FGGY: variants seen among roughly 807,000 people sequenced by gnomAD.
The protein encoded by FGGY is FGGY carbohydrate kinase domain-containing protein.
Under a neutral mutation model 71.3 loss-of-function variants are expected in FGGY, and 72 were observed. The ratio of observed to expected loss-of-function variants is 1.01; its 90% CI spans 0.84 to 1.23. FGGY has a LOEUF of 1.23. FGGY is among the 50% of genes most tolerant of loss of function. The pLI, the probability that FGGY is intolerant of heterozygous loss-of-function variation, is 0.00. For synonymous variants in FGGY, 251 were observed against 250.3 expected, an observed-to-expected ratio of 1.00 and a Z score of -0.02; for missense variants, 668 against 682.3, an observed-to-expected ratio of 0.98 and a Z score of 0.23.
chr1:59,591,188 A>C (rs2096428606), intron 8 of FGGY, among the ~76,000 whole-genome samples: 1 of 152,212 alleles, frequency 6.6e-6, no homozygotes, highest in South Asian at 2.1e-4. Flanking sequence ...TCCCATTTAC[A>C]ATTGCTTCAA....
intron 9 of FGGY, among the ~76,000 whole-genome samples, chr1:59,616,170 T>TA (rs1472974646): frequency 6.6e-6 from 1 of 152,198 alleles, no homozygotes; most frequent in Non-Finnish European, 1.5e-5. Context: ...CATGCTGCTA[T>TA]TAGACACATG....
intron 6 of FGGY, among the ~76,000 whole-genome samples, chr1:59,459,922 G>A (rs560901055): frequency 1.3e-5 from 2 of 152,310 alleles, no homozygotes; most frequent in African/African-American, 2.4e-5. Context: ...CATATAAAGG[G>A]ATTCAGTGTA....
intron 7 of FGGY, among the ~76,000 whole-genome samples, chr1:59,550,682 A>C (rs920536826): frequency 2.0e-5 from 3 of 152,170 alleles, no homozygotes; most frequent in African/African-American, 7.2e-5. Flanking sequence ...TTGTGGCAGA[A>C]TTGGGGCTGA....
intron 14 of FGGY, among the ~76,000 whole-genome samples, chr1:59,739,361 G>A (rs913775655): frequency 6.6e-6 from 1 of 152,126 alleles, no homozygotes; most frequent in African/African-American, 2.4e-5. Flanking sequence ...TCCTGCCCAG[G>A]CTACCAAACA....
chr1:59,600,253 A>T (rs764682000), intron 8 of FGGY, among the ~76,000 whole-genome samples: 2 of 152,224 alleles, frequency 1.3e-5, no homozygotes, highest in Non-Finnish European at 2.9e-5. Context: ...GGGGCAGATG[A>T]GAGCGATGAA....
chr1:59,689,650 A>G (rs1279054376), intron 14 of FGGY, among the ~76,000 whole-genome samples: 3 of 152,242 alleles, frequency 2.0e-5, no homozygotes, highest in Non-Finnish European at 4.4e-5. Context: ...GAGTAATAAT[A>G]AAAGTTTATT....
At chr1:59,641,092 C>G (rs546461020) in intron 11 of FGGY, among the ~76,000 whole-genome samples, 1 of 151,018 alleles carries the variant, frequency 6.6e-6, no homozygotes, top group East Asian at 1.9e-4. Flanking sequence ...AACATTGACA[C>G]TGAGTGAAGC....
intron 4 of FGGY, among the ~76,000 whole-genome samples, chr1:59,355,440 T>C (rs2054128614): frequency 6.6e-6 from 1 of 152,252 alleles, no homozygotes; most frequent in African/African-American, 2.4e-5. Context: ...AAGAGTTTGC[T>C]ACTGTTTTAG....
intron 5 of FGGY, among the ~76,000 whole-genome samples, chr1:59,405,958 C>T (rs565802276): frequency 2.0e-5 from 3 of 151,022 alleles, no homozygotes; most frequent in African/African-American, 7.3e-5. Flanking sequence ...TTAGAGTCCT[C>T]TTCCCCACTT....
At chr1:59,471,090 A>G (rs1234825977) in intron 6 of FGGY, among the ~76,000 whole-genome samples, 2 of 152,012 alleles carry the variant, frequency 1.3e-5, no homozygotes, top group South Asian at 2.1e-4. Flanking sequence ...CCCCACCCAA[A>G]TCTCATCTCA....
intron 11 of FGGY, chr1:59,641,424 C>A: frequency 1.6e-6 from 2 of 1,271,194 alleles, no homozygotes; most frequent in Non-Finnish European, 2.3e-6. Flanking sequence ...TATGTGCAGG[C>A]CTGTGCTAAA....
intron 12 of FGGY, among the ~76,000 whole-genome samples, chr1:59,663,378 G>T (rs369101799): frequency 6.6e-6 from 1 of 152,106 alleles, no homozygotes; most frequent in Non-Finnish European, 1.5e-5. Flanking sequence ...CCTAAGAATC[G>T]TTTTTACTTA....
intron 5 of FGGY, among the ~76,000 whole-genome samples, chr1:59,426,366 T>G (rs1226669682): frequency 1.3e-5 from 2 of 150,736 alleles, no homozygotes; most frequent in Non-Finnish European, 3.0e-5. Flanking sequence ...GTATCCAGGG[T>G]GGGAAGGGGA....
intron 5 of FGGY, among the ~76,000 whole-genome samples, chr1:59,397,456 T>G (rs2061459929): frequency 6.6e-6 from 1 of 152,228 alleles, no homozygotes; most frequent in Admixed American, 6.5e-5. Context: ...CACAACAAGT[T>G]TGGCTAGATT....
chr1:59,711,150 A>G (rs1199058035), intron 14 of FGGY, among the ~76,000 whole-genome samples: 1 of 152,202 alleles, frequency 6.6e-6, no homozygotes, highest in Non-Finnish European at 1.5e-5. Context: ...AGAGACATGG[A>G]TGAAACTGAA....
At chr1:59,484,730 T>C (rs894817494) in intron 6 of FGGY, among the ~76,000 whole-genome samples, 65 of 152,292 alleles carry the variant, frequency 4.3e-4, no homozygotes, top group African/African-American at 1.4e-3. Context: ...AAATTCACCA[T>C]GATAAGTGAT....
chr1:59,355,323 G>C (rs1206909310), intron 4 of FGGY, among the ~76,000 whole-genome samples: 1 of 151,960 alleles, frequency 6.6e-6, no homozygotes, highest in Non-Finnish European at 1.5e-5. Flanking sequence ...GAAGACTAAT[G>C]AACAGTCTTA....
intron 7 of FGGY, among the ~76,000 whole-genome samples, chr1:59,540,533 C>A (rs1015540752): frequency 6.6e-6 from 1 of 152,072 alleles, no homozygotes; most frequent in East Asian, 1.9e-4. Flanking sequence ...GACATCTGGA[C>A]AGTGGTTATC....
chr1:59,683,285 A>G (rs996811276), intron 14 of FGGY, among the ~76,000 whole-genome samples: 1 of 152,174 alleles, frequency 6.6e-6, no homozygotes, highest in African/African-American at 2.4e-5. Context: ...GAGAGCCAGC[A>G]CTCAAATTCA....
Sources: allele counts gnomAD v4.1 joint callset (sites outside exome capture counted in the v4.1 genomes callset), GRCh38; gene constraint gnomAD v4.1.1; transcripts MANE v1.5; gene names NCBI Gene and HGNC (gene_info 2026-07-23, HGNC 2026-07-21).